FIG4: variants seen among roughly 807,000 people sequenced by gnomAD.
FIG4 encodes FIG4 phosphoinositide 5-phosphatase.
A neutral mutation model predicts 118.6 loss-of-function variants in FIG4; 112 were observed. That is an observed-to-expected ratio of 0.94 (90% CI 0.81 to 1.11). The LOEUF is 1.11. Ranked by LOEUF, FIG4 falls within the 50% of genes least tolerant of loss-of-function variation. The probability of loss-of-function intolerance (pLI) is 0.00; values close to 1 mark genes in which losing one functional copy is unlikely to be tolerated. For synonymous variants in FIG4, 369 were observed against 381.2 expected, an observed-to-expected ratio of 0.97 and a Z score of 0.37; for missense variants, 969 against 1,111.7, an observed-to-expected ratio of 0.87 and a Z score of 1.83.
chr6:109,783,708 GGTT>G (rs751137900), intron 16 of FIG4, among the ~76,000 whole-genome samples: 21 of 152,328 alleles, frequency 1.4e-4, no homozygotes, highest in Non-Finnish European at 2.8e-4. Flanking sequence ...ATTGAAAAGG[GGTT>G]GGAGGATCTG....
At chr6:109,740,483 A>C (rs941697617) in intron 7 of FIG4, among the ~76,000 whole-genome samples, 1 of 152,160 alleles carries the variant, frequency 6.6e-6, no homozygotes, top group Non-Finnish European at 1.5e-5. Context: ...ACCTTTGGTT[A>C]CTTTACTGTT....
At chr6:109,728,994 GT>G (rs1439432887) in intron 4 of FIG4, among the ~76,000 whole-genome samples, 4 of 152,006 alleles carry the variant, frequency 2.6e-5, no homozygotes, top group African/African-American at 4.8e-5. Context: ...TATATTAATA[GT>G]TTTTTATAGG....
At chr6:109,769,126 G>A (rs1452573266) in intron 15 of FIG4, among the ~76,000 whole-genome samples, 1 of 146,346 alleles carries the variant, frequency 6.8e-6, no homozygotes, top group African/African-American at 2.5e-5. Flanking sequence ...TTTTTTGAGA[G>A]GGAGTCTCGC....
intron 22 of FIG4, among the ~76,000 whole-genome samples, chr6:109,817,011 A>G (rs1377568930): frequency 1.3e-5 from 2 of 152,228 alleles, no homozygotes; most frequent in Non-Finnish European, 2.9e-5. Context: ...TGATTGCTCC[A>G]AAAGGTCGCC....
chr6:109,803,145 A>G (rs999994938), intron 22 of FIG4, among the ~76,000 whole-genome samples: 3 of 152,186 alleles, frequency 2.0e-5, no homozygotes, highest in African/African-American at 7.2e-5. Flanking sequence ...CCTTTATCCT[A>G]AAAGCTCTGT....
At chr6:109,816,872 G>A (rs979378186) in intron 22 of FIG4, among the ~76,000 whole-genome samples, 13 of 152,212 alleles carry the variant, frequency 8.5e-5, no homozygotes, top group East Asian at 1.9e-4. Flanking sequence ...CCTAAGTAGG[G>A]CGTCATCACC....
intron 18 of FIG4, 124 bp from the exon 19 acceptor site, chr6:109,789,470 G>GAATATGT: frequency 1.3e-6 from 1 of 754,528 alleles, no homozygotes; most frequent in Non-Finnish European, 2.4e-6. Flanking sequence ...AGTTGGCTCA[G>GAATATGT]AATATGTAAT....
At chr6:109,786,973 G>A (rs1470752602) in intron 18 of FIG4, among the ~76,000 whole-genome samples, 1 of 152,146 alleles carries the variant, frequency 6.6e-6, no homozygotes, top group African/African-American at 2.4e-5. Flanking sequence ...TTGATAAATG[G>A]TAGCTATTAT....
At chr6:109,708,069 T>C (rs1775144313) in intron 1 of FIG4, among the ~76,000 whole-genome samples, 1 of 151,938 alleles carries the variant, frequency 6.6e-6, no homozygotes, top group African/African-American at 2.4e-5. Flanking sequence ...CATGGGGGTT[T>C]GTTGTACAGA....
chr6:109,776,875 A>G (rs1056935831), intron 15 of FIG4, 47 bp from the exon 16 acceptor site: 10 of 1,453,030 alleles, frequency 6.9e-6, no homozygotes, highest in East Asian at 2.3e-5. Flanking sequence ...CTTGAGTTAT[A>G]TATCCATCAG....
chr6:109,731,991 A>G (rs911873090), intron 4 of FIG4, among the ~76,000 whole-genome samples: 4 of 152,220 alleles, frequency 2.6e-5, no homozygotes, highest in African/African-American at 9.6e-5. Context: ...TTATTTAAAG[A>G]TGGCTCTAAT....
intron 13 of FIG4, 134 bp downstream of exon 13, chr6:109,764,116 C>T (rs973735500): frequency 1.5e-6 from 1 of 678,306 alleles, no homozygotes; most frequent in African/African-American, 1.8e-5. Context: ...TTGTTAAAAG[C>T]CTTACTTCTA....
At chr6:109,736,146 T>A (rs1776153766) in intron 6 of FIG4, among the ~76,000 whole-genome samples, 1 of 152,126 alleles carries the variant, frequency 6.6e-6, no homozygotes, top group Non-Finnish European at 1.5e-5. Flanking sequence ...AATAGTGTCT[T>A]TGGGCTCCTT....
intron 10 of FIG4, among the ~76,000 whole-genome samples, chr6:109,746,930 G>A (rs1776518629): frequency 6.6e-6 from 1 of 152,016 alleles, no homozygotes; most frequent in Non-Finnish European, 1.5e-5. Flanking sequence ...TTTGAAATGA[G>A]GGAGTAGGGG....
chr6:109,823,828 C>T (rs1161927957), intron 22 of FIG4, among the ~76,000 whole-genome samples: 1 of 152,208 alleles, frequency 6.6e-6, no homozygotes, highest in Non-Finnish European at 1.5e-5. Flanking sequence ...CCTGTGTTAT[C>T]TTGGGCACCC....
At chr6:109,816,092 A>G (rs1253583420) in intron 22 of FIG4, among the ~76,000 whole-genome samples, 2 of 152,184 alleles carry the variant, frequency 1.3e-5, no homozygotes, top group East Asian at 3.8e-4. Context: ...AAAGCCTGGA[A>G]ATCTGTGCTT....
At chr6:109,705,689 G>A (rs1775046325) in intron 1 of FIG4, among the ~76,000 whole-genome samples, 1 of 152,100 alleles carries the variant, frequency 6.6e-6, no homozygotes, top group South Asian at 2.1e-4. Flanking sequence ...ATTTATATCT[G>A]TTTTTAAAAT....
rs568841669 is a variant in FIG4, at chr6:109,713,964, C to T, written c.67-1114C>T. On this transcript the variant is annotated intron_variant, in intron 1 of 22. Coordinates refer to ENST00000230124, the MANE Select transcript of FIG4 (RefSeq NM_014845.6). ...AAGAGCGCCCTGCAGAGTTCAGGTC[C>T]GACAGTTCCCCTAGGGCTAAAGTCT... 9.9e-5 allele frequency among the ~76,000 whole-genome samples: 15 copies of T among 152,210 alleles called. 1 individual carries two copies. In the South Asian group the frequency reaches 3.1e-3, roughly 32 times the overall value.
At chr6:109,766,926 C>T in intron 15 of FIG4, 31 bp downstream of exon 15, 1 of 1,589,050 alleles carries the variant, frequency 6.3e-7, no homozygotes, top group Non-Finnish European at 8.6e-7. Flanking sequence ...ATTTTTAAGA[C>T]TTACTCTGAA....
Sources: allele counts gnomAD v4.1 joint callset (sites outside exome capture counted in the v4.1 genomes callset), GRCh38; gene constraint gnomAD v4.1.1; transcripts MANE v1.5; gene names NCBI Gene and HGNC (gene_info 2026-07-23, HGNC 2026-07-21).